GRM3: variants seen among roughly 807,000 people sequenced by gnomAD.
The protein encoded by GRM3 is glutamate metabotropic receptor 3.
GRM3 carries 26 observed loss-of-function variants against 70.5 expected under a neutral mutation model. That is an observed-to-expected ratio of 0.37 (90% confidence interval 0.27 to 0.51). GRM3 has a LOEUF of 0.51. GRM3 is among the 20% of genes least tolerant of loss of function. The pLI, the probability that GRM3 is intolerant of heterozygous loss-of-function variation, is 0.93. For missense variants in GRM3, 859 were observed against 1,123.8 expected (o/e 0.76, Z 3.37); for synonymous variants, 443 against 434.9 (o/e 1.02, Z -0.23).
chr7:86,801,643 T>A (rs1175542181), intron 3 of GRM3, among the ~76,000 whole-genome samples: 1 of 152,200 alleles, frequency 6.6e-6, no homozygotes, highest in Non-Finnish European at 1.5e-5. Context: ...TCAAGTATCT[T>A]AGCAACTAGT....
chr7:86,754,629 C>A (rs1796302753), intron 1 of GRM3, among the ~76,000 whole-genome samples: 1 of 151,982 alleles, frequency 6.6e-6, no homozygotes, highest in African/African-American at 2.4e-5. Flanking sequence ...AGAACATTAA[C>A]CATAGTTTTA....
chr7:86,735,315 C>T (rs1795833351), intron 1 of GRM3, among the ~76,000 whole-genome samples: 1 of 152,100 alleles, frequency 6.6e-6, no homozygotes, highest in African/African-American at 2.4e-5. Flanking sequence ...TTCTAGACCT[C>T]ACATAGAATT....
chr7:86,646,116 T>A (rs895559549), intron 1 of GRM3, among the ~76,000 whole-genome samples: 14 of 151,618 alleles, frequency 9.2e-5, no homozygotes, highest in African/African-American at 3.4e-4. Flanking sequence ...ATATTCAATA[T>A]AGGCATTACT....
chr7:86,853,801 GT>G (rs1342832699), intron 5 of GRM3, among the ~76,000 whole-genome samples: 2 of 152,148 alleles, frequency 1.3e-5, no homozygotes, highest in Non-Finnish European at 2.9e-5. Context: ...ATCTCTTACA[GT>G]TTACAAGTCA....
intron 1 of GRM3, among the ~76,000 whole-genome samples, chr7:86,693,741 G>A (rs369853702): frequency 2.4e-4 from 37 of 151,684 alleles, no homozygotes; most frequent in East Asian, 1.2e-3. Flanking sequence ...GAGCCGAGCC[G>A]CTGTTATAGA....
chr7:86,669,432 T>TTA (rs998706595), intron 1 of GRM3, among the ~76,000 whole-genome samples: 2 of 152,214 alleles, frequency 1.3e-5, no homozygotes, highest in Non-Finnish European at 2.9e-5. Context: ...CATGTCTCTT[T>TTA]TTCTGTGACA....
intron 1 of GRM3, among the ~76,000 whole-genome samples, chr7:86,733,763 C>T (rs1795793415): frequency 6.6e-6 from 1 of 152,182 alleles, no homozygotes; most frequent in African/African-American, 2.4e-5. Flanking sequence ...TTTACCCTCT[C>T]TCTGGGCACA....
At chr7:86,689,537 G>A (rs986451140) in intron 1 of GRM3, among the ~76,000 whole-genome samples, 1 of 152,042 alleles carries the variant, frequency 6.6e-6, no homozygotes, top group African/African-American at 2.4e-5. Context: ...GTCTTTGAAG[G>A]TTTTGAAGCA....
chr7:86,802,670 C>T lies in GRM3; in HGVS notation c.1324+15554C>T, dbSNP rs374233912. On this transcript the variant is annotated intron_variant, in intron 3 of 5. Transcript: ENST00000361669. ...CTGTTGAAGACTACATTTCTCTTCC[C>T]TATCACACCATTCTCTCACTCTAAT... 1.1e-4 allele frequency among the ~76,000 whole-genome samples: 17 copies of T among 151,776 alleles called. No homozygotes were observed. The East Asian group carries it at 2.5e-3, about 23-fold the overall frequency.
At chr7:86,723,620 G>A (rs1405113159) in intron 1 of GRM3, among the ~76,000 whole-genome samples, 1 of 152,206 alleles carries the variant, frequency 6.6e-6, no homozygotes, top group Non-Finnish European at 1.5e-5. Flanking sequence ...TCATTGTGAT[G>A]ATGTAAGTTG....
At chr7:86,728,786 T>A (rs80258229) in intron 1 of GRM3, among the ~76,000 whole-genome samples, 235 of 152,262 alleles carry the variant, frequency 1.5e-3, no homozygotes, top group African/African-American at 5.3e-3. Context: ...GAGCAGGTAG[T>A]GAAACTGGTA....
chr7:86,667,289 A>G (rs762083612), intron 1 of GRM3, among the ~76,000 whole-genome samples: 8 of 152,126 alleles, frequency 5.3e-5, no homozygotes, highest in Non-Finnish European at 7.4e-5. Context: ...CCAGGTCCCT[A>G]AAGCAGAGAG....
intron 3 of GRM3, among the ~76,000 whole-genome samples, chr7:86,832,841 A>G (rs10275872): frequency 0.063 from 9,663 of 152,186 alleles, 975 homozygotes; most frequent in African/African-American, 0.21. Flanking sequence ...ATTGGATAAT[A>G]AGCTAACCCG....
chr7:86,809,757 T>C (rs1797871957), intron 3 of GRM3, among the ~76,000 whole-genome samples: 1 of 151,994 alleles, frequency 6.6e-6, no homozygotes, highest in Non-Finnish European at 1.5e-5. Context: ...AAGGCAAGCG[T>C]GTATTTTGAA....
At chr7:86,797,505 C>T (rs1156464720) in intron 3 of GRM3, among the ~76,000 whole-genome samples, 1 of 152,044 alleles carries the variant, frequency 6.6e-6, no homozygotes, top group Non-Finnish European at 1.5e-5. Context: ...CTAAGCAGTT[C>T]AAAATGTGAC....
At chr7:86,811,351 G>T (rs1259273129) in intron 3 of GRM3, among the ~76,000 whole-genome samples, 1 of 151,570 alleles carries the variant, frequency 6.6e-6, no homozygotes, top group African/African-American at 2.4e-5. Flanking sequence ...TTTTAGACCA[G>T]CCCTAAAAGA....
At chr7:86,685,906 C>CAA (rs71117516) in intron 1 of GRM3, among the ~76,000 whole-genome samples, 2,585 of 74,284 alleles carry the variant, frequency 0.035, 42 homozygotes, top group African/African-American at 0.039. Flanking sequence ...ACTCTGTCTC[C>CAA]AAAAAAAAAA....
At chr7:86,811,706 G>A (rs1025919788) in intron 3 of GRM3, among the ~76,000 whole-genome samples, 9 of 151,774 alleles carry the variant, frequency 5.9e-5, no homozygotes, top group African/African-American at 2.2e-4. Flanking sequence ...ATTTTTTAAA[G>A]TAACGTAACA....
intron 1 of GRM3, among the ~76,000 whole-genome samples, chr7:86,683,889 G>C (rs985972660): frequency 6.6e-6 from 1 of 152,100 alleles, no homozygotes; most frequent in Non-Finnish European, 1.5e-5. Flanking sequence ...ATGGTGTACA[G>C]TTTATATGGT....
Sources: allele counts gnomAD v4.1 joint callset (sites outside exome capture counted in the v4.1 genomes callset), GRCh38; gene constraint gnomAD v4.1.1; transcripts MANE v1.5; gene names NCBI Gene and HGNC (gene_info 2026-07-23, HGNC 2026-07-21).